The following WSCD2 variants were observed in gnomAD, a reference collection of about 807,000 sequenced individuals.
WSCD2 encodes sialate:O-sulfotransferase 2.
In WSCD2, 28 loss-of-function variants were observed where a neutral mutation model predicts 55.7. The ratio of observed to expected loss-of-function variants is 0.50; its 90% confidence interval spans 0.37 to 0.69. The LOEUF (loss-of-function observed/expected upper bound fraction) is 0.69, where lower values mean the gene tolerates loss of function less well. Ranked by LOEUF, WSCD2 falls within the 30% of genes least tolerant of loss-of-function variation. The pLI, the probability that WSCD2 is intolerant of heterozygous loss-of-function variation, is 0.00. For synonymous variants in WSCD2, 301 were observed against 301.9 expected (o/e 1.00, Z 0.03); for missense variants, 616 against 762.1 (o/e 0.81, Z 2.26).
chr12:108,203,317 C>A (rs912656844), intron 2 of WSCD2, among the ~76,000 whole-genome samples: 3 of 152,204 alleles, frequency 2.0e-5, no homozygotes, highest in Non-Finnish European at 4.4e-5. Flanking sequence ...CATCTCTGCT[C>A]TTCTATGCCT....
rs200809314 is a variant in WSCD2, at chr12:108,206,276, C to T, written c.383-13C>T. The T allele has an allele frequency of 6.2e-7, 1 of 1,613,286 alleles. No homozygotes were observed. Among genetic ancestry groups the T allele is most frequent in the African/African-American group, 1.3e-5 (1 of 75,050 alleles). ...TGTCCCCAGCCACCTTTGACGTTTT[C>T]CTTTCCCCAAAGCCAAGTACATCGG... On this transcript the variant is annotated splice_polypyrimidine_tract_variant and intron_variant, in intron 2 of 8. Coordinates refer to ENST00000547525, the MANE Select transcript of WSCD2 (RefSeq NM_014653.4).
rs1457448345 is a variant in WSCD2, at chr12:108,250,376, C to T, written c.*2033C>T. 6.6e-6 allele frequency: 1 copy of T among 152,218 alleles called. No individual in the cohort carries two copies. The highest frequency in any genetic ancestry group is 1.5e-5 in the Non-Finnish European group (1 of 68,042). 9.4% of individuals were successfully genotyped at this position (152,218 alleles called of 1,614,324 possible). On this transcript the variant is annotated 3_prime_UTR_variant, in exon 9 of 9. Transcript: ENST00000547525. ...TAGCTGCTCAGGGAGAATTACGTGCCTCTGTGTGTAAAATTGCCTTTGTGT... is the reference window on the plus strand; with the variant it reads ...TAGCTGCTCAGGGAGAATTACGTGCTTCTGTGTGTAAAATTGCCTTTGTGT...
At chr12:108,194,760 GA>G (rs1181597977) in intron 1 of WSCD2, among the ~76,000 whole-genome samples, 2 of 152,160 alleles carry the variant, frequency 1.3e-5, no homozygotes, top group Non-Finnish European at 2.9e-5. Context: ...TGAAAGAGGG[GA>G]TTTTGCCTCT....
rs546483528 is a variant in WSCD2 at position 108,225,269 on chromosome 12, C to G, written c.804+409C>G. Among the ~76,000 whole-genome samples the G allele has an allele frequency of 6.0e-4, 91 of 152,268 alleles. 3 individuals are homozygous for G. The Middle Eastern group carries it at 0.01, about 17-fold the overall frequency. ...AAAAGCAAAGGCACGTCTTACATGG[C>G]AGCAGGCAAGAGAGCGTGTGTACAG... is the stretch of plus-strand genomic sequence containing the variant. On this transcript the variant is annotated intron_variant, in intron 5 of 8. Coordinates refer to ENST00000547525, the MANE Select transcript of WSCD2 (RefSeq NM_014653.4).
chr12:108,211,295 C>T (rs1406013981), intron 4 of WSCD2, among the ~76,000 whole-genome samples: 1 of 152,224 alleles, frequency 6.6e-6, no homozygotes, highest in African/African-American at 2.4e-5. Context: ...AAATCCACAG[C>T]TGCTTCTCTA....
intron 2 of WSCD2, chr12:108,196,521 A>G: frequency 3.3e-6 from 1 of 303,350 alleles, no homozygotes; most frequent in East Asian, 6.6e-5. Flanking sequence ...TTAAATATAC[A>G]TGAAAATAAA....
intron 1 of WSCD2, among the ~76,000 whole-genome samples, chr12:108,139,641 GATA>G (rs1876579568): frequency 1.3e-5 from 2 of 152,134 alleles, no homozygotes; most frequent in African/African-American, 2.4e-5. Flanking sequence ...GTAAAATGGG[GATA>G]ATAATAATGC....
Position 108,196,026 on chromosome 12 carries a change from C to A in WSCD2, c.194C>A (p.Ser65Tyr), listed in dbSNP as rs773985546. 6.2e-7 allele frequency: 1 copy of A among 1,614,222 alleles called. No homozygotes were observed. The highest frequency in any genetic ancestry group is 1.7e-5 in the Admixed American group (1 of 60,026). The change falls in exon 2 of 9, where the codon TCC (serine) becomes TAC (tyrosine). Residue 65 changes from serine to tyrosine, a missense_variant. This residue lies in a region of WSCD2 where 374 missense variants were observed against 467.4 expected (regional missense o/e 0.80). Coordinates refer to ENST00000547525, the MANE Select transcript of WSCD2 (RefSeq NM_014653.4). ...AGGPAEGAELSFLGDMHLGRG... is the reference protein window; with the variant it reads ...AGGPAEGAELYFLGDMHLGRG... ...GGCCCAGCTGAGGGTGCTGAGCTGTCCTTCTTGGGTGACATGCATCTGGGC... is the reference window on the plus strand; with the variant it reads ...GGCCCAGCTGAGGGTGCTGAGCTGTACTTCTTGGGTGACATGCATCTGGGC...
At chr12:108,236,622 A>G (rs942183196) in intron 7 of WSCD2, among the ~76,000 whole-genome samples, 2 of 149,068 alleles carry the variant, frequency 1.3e-5, no homozygotes, top group African/African-American at 2.5e-5. Context: ...CTTTCTCTGC[A>G]TGTCTACCTC....
chr12:108,179,919 T>G (rs977448832), intron 1 of WSCD2, among the ~76,000 whole-genome samples: 2 of 151,904 alleles, frequency 1.3e-5, no homozygotes, highest in African/African-American at 4.8e-5. Flanking sequence ...GGCAGGTGCC[T>G]GTAATCCCAG....
At chr12:108,134,321 C>T (rs371801600) in intron 1 of WSCD2, among the ~76,000 whole-genome samples, 15 of 152,240 alleles carry the variant, frequency 9.9e-5, no homozygotes, top group Admixed American at 5.2e-4. Flanking sequence ...CCCCTGCCCC[C>T]TCCCTTTGGG....
chr12:108,133,032 T>A (rs1282672409), intron 1 of WSCD2, among the ~76,000 whole-genome samples: 2 of 152,224 alleles, frequency 1.3e-5, no homozygotes, highest in Non-Finnish European at 2.9e-5. Flanking sequence ...AATGTTAGCA[T>A]GTGCATTTGA....
chr12:108,224,216 A>G (rs1243244278), intron 4 of WSCD2, among the ~76,000 whole-genome samples: 2 of 152,110 alleles, frequency 1.3e-5, no homozygotes, highest in African/African-American at 2.4e-5. Context: ...AATACTGGGT[A>G]GGTAGAGACT....
chr12:108,166,466 G>T (rs1879604894), intron 1 of WSCD2, among the ~76,000 whole-genome samples: 1 of 152,152 alleles, frequency 6.6e-6, no homozygotes, highest in Non-Finnish European at 1.5e-5. Flanking sequence ...CCATTTTGGG[G>T]GAATGTTTAT....
At chr12:108,133,475 T>C (rs1875835842) in intron 1 of WSCD2, among the ~76,000 whole-genome samples, 1 of 152,232 alleles carries the variant, frequency 6.6e-6, no homozygotes, top group South Asian at 2.1e-4. Context: ...TGCACATCTC[T>C]GAGGGTGTGT....
At chr12:108,196,781 A>G (rs1240341470) in intron 2 of WSCD2, 1 of 152,516 alleles carries the variant, frequency 6.6e-6, no homozygotes, top group East Asian at 1.9e-4. Context: ...ATTGCCCTGG[A>G]TAGATTTCAT....
At chr12:108,231,348 T>C (rs1888728752) in intron 6 of WSCD2, among the ~76,000 whole-genome samples, 2 of 152,204 alleles carry the variant, frequency 1.3e-5, no homozygotes, top group African/African-American at 2.4e-5. Context: ...CCTTTGCAAC[T>C]GAGGGAACCA....
intron 1 of WSCD2, among the ~76,000 whole-genome samples, chr12:108,165,420 C>T (rs1209208466): frequency 1.3e-5 from 2 of 152,172 alleles, no homozygotes; most frequent in Non-Finnish European, 2.9e-5. Flanking sequence ...TTGGTACAGA[C>T]AGGGTCTTGC....
intron 1 of WSCD2, among the ~76,000 whole-genome samples, chr12:108,134,371 G>A (rs934106604): frequency 1.3e-5 from 2 of 152,198 alleles, no homozygotes; most frequent in Non-Finnish European, 2.9e-5. Flanking sequence ...AGAGTGAAGT[G>A]GAAGAGATAG....
Sources: allele counts gnomAD v4.1 joint callset (sites outside exome capture counted in the v4.1 genomes callset), GRCh38; gene constraint gnomAD v4.1.1; regional missense constraint gnomAD v4.1.1; transcripts MANE v1.5; gene names NCBI Gene and HGNC (gene_info 2026-07-23, HGNC 2026-07-21).